The following PIK3R6 variants were observed in gnomAD, a reference collection of about 807,000 sequenced individuals.
PIK3R6 encodes phosphoinositide 3-kinase regulatory subunit 6.
PIK3R6 carries 91 observed loss-of-function variants against 84.9 expected under a neutral mutation model. The ratio of observed to expected loss-of-function variants is 1.07; its 90% CI spans 0.90 to 1.28. The LOEUF is 1.28. Among genes scored for constraint, PIK3R6 ranks in the 50% most tolerant of loss-of-function variants. The pLI, the probability that PIK3R6 is intolerant of heterozygous loss-of-function variation, is 0.00. For synonymous variants in PIK3R6, 416 were observed against 411.4 expected (o/e 1.01, Z -0.13); for missense variants, 996 against 985.1 (o/e 1.01, Z -0.15).
intron 1 of PIK3R6, among the ~76,000 whole-genome samples, chr17:8,851,048 GGAGA>G (rs906956497): frequency 1.5e-4 from 23 of 152,108 alleles, no homozygotes; most frequent in African/African-American, 4.8e-4. Flanking sequence ...TCCAAAGCAT[GGAGA>G]AAGAAGAGAA....
chr17:8,864,100 A>G (rs2089346643), intron 1 of PIK3R6, among the ~76,000 whole-genome samples: 1 of 152,184 alleles, frequency 6.6e-6, no homozygotes. Context: ...CTTCTGCACC[A>G]TCTTTTCAAA....
Position 8,803,600 on chromosome 17 carries a change from G to T in PIK3R6, c.2109-171C>A. 1 of 668,384 alleles carries T rather than the reference G, an allele frequency of 1.5e-6. No individual in the cohort carries two copies. Among genetic ancestry groups the T allele is most frequent in the Non-Finnish European group, 2.4e-6 (1 of 413,648 alleles). The allele number at this position is 668,384 out of a possible 1,614,324, so 41.4% of individuals were successfully genotyped here. A position where few individuals can be genotyped will look rare whatever the true frequency, so the allele number is the denominator to read the frequency against. ...GTCAGGACAAGAAAGAAAAACCTGGGCCTGGGGTTCACCGGGAGAGGAGAC... is the reference window on the plus strand; with the variant it reads ...GTCAGGACAAGAAAGAAAAACCTGGTCCTGGGGTTCACCGGGAGAGGAGAC... On this transcript the variant is annotated intron_variant, in intron 19 of 19. Coordinates refer to ENST00000619866, the MANE Select transcript of PIK3R6 (RefSeq NM_001010855.4). This position sits in a 1 kb window ranked among gnomAD's most constrained non-coding sequence, Gnocchi z 5.0.
At chr17:8,836,117 T>C (rs577399767) in intron 7 of PIK3R6, among the ~76,000 whole-genome samples, 14 of 152,256 alleles carry the variant, frequency 9.2e-5, no homozygotes, top group African/African-American at 3.4e-4. Flanking sequence ...AGGCTTGGCG[T>C]CCCCCATGGA....
chr17:8,829,210 CACAG>C lies in PIK3R6; in HGVS notation c.890-224_890-221del, dbSNP rs557654815. ...ACAGACATACACACACGTGCACACA[CACAG>C]ACACACACACAGAGACACACTGAAA... On this transcript the variant is annotated intron_variant, in intron 10 of 19. Coordinates refer to ENST00000619866, the MANE Select transcript of PIK3R6 (RefSeq NM_001010855.4). Among the ~76,000 whole-genome samples the C allele has an allele frequency of 2.4e-4, 30 of 125,810 alleles. No individual in the cohort carries two copies. In the East Asian group the frequency reaches 5.1e-3, roughly 21 times the overall value. The allele number at this position is 125,810 out of a possible 152,430, so 82.5% of individuals were successfully genotyped here.
chr17:8,834,550 A>ATT (rs35964462), intron 8 of PIK3R6, among the ~76,000 whole-genome samples: 5,066 of 146,526 alleles, frequency 0.035, 399 homozygotes, highest in East Asian at 0.34. Context: ...TGCGTCTGGT[A>ATT]TTTTTTTTTT....
At position 8,829,728 on chromosome 17, in the gene PIK3R6, C is replaced by T; in HGVS notation, c.867G>A (p.Leu289=). 6 of 1,553,438 alleles carry T rather than the reference C, an allele frequency of 3.9e-6. No homozygotes were observed. Among genetic ancestry groups the T allele is most frequent in the Non-Finnish European group, 5.2e-6 (6 of 1,148,170 alleles). ...TACAGAGCTGCTCCTCACCGGTCCA[C>T]AAGTGGAAGGTGATGTAGGGGCTGG... The part of the protein sequence containing the change: ...PLPSPYITFH[L]WTGEEQLWKE... The change falls in exon 10 of 20, where the codon TTG becomes TTA. Residue 289 remains leucine (L), a synonymous_variant. Transcript: ENST00000619866.
Position 8,827,186 on chromosome 17 carries a change from T to C in PIK3R6, c.1501A>G (p.Lys501Glu). The change falls in exon 13 of 20, where the codon AAG becomes GAG. Residue 501 changes from lysine (K) to glutamate (E), a missense_variant. Transcript: ENST00000619866. The part of the protein sequence containing the change: ...NVNTLCPAIH[K>E]LAEMPPSLDT... Reference sequence around the variant, plus strand: ...CCCTCCCCTACCATCTCAGCCAGCTTGTGGATGGCGGGGCACAGCGTGTTG... The same window carrying C: ...CCCTCCCCTACCATCTCAGCCAGCTCGTGGATGGCGGGGCACAGCGTGTTG... The C allele has an allele frequency of 6.2e-7, 1 of 1,612,680 alleles. No individual in the cohort carries two copies. Among genetic ancestry groups the C allele is most frequent in the South Asian group, 1.1e-5 (1 of 90,652 alleles).
chr17:8,829,877 G>T, intron 9 of PIK3R6, 85 bp from the exon 10 acceptor site: 1 of 1,127,198 alleles, frequency 8.9e-7, no homozygotes, highest in Non-Finnish European at 1.3e-6. Context: ...GCTCCTGTGC[G>T]GGGTCTTAGA....
rs2087952705 is a variant in PIK3R6 at position 8,827,279 on chromosome 17, T to C, written c.1408A>G (p.Arg470Gly). 4 of 1,558,582 alleles carry C rather than the reference T, an allele frequency of 2.6e-6. No homozygotes were observed. The South Asian group carries it at 4.7e-5, about 18-fold the overall frequency. The change falls in exon 13 of 20, where the codon AGG (arginine) becomes GGG (glycine). Residue 470 changes from arginine to glycine, a missense_variant. Transcript: ENST00000619866. ...GCCAGCTCTCCCAGCTCCGGCTGCC[T>C]GGATGCTGCAGGCTTCTGGGGGAAA... is the stretch of plus-strand genomic sequence containing the variant. ...VLAPEKPAAS[R>G]QPELGELATF...
intron 1 of PIK3R6, among the ~76,000 whole-genome samples, chr17:8,865,887 G>A: frequency 6.6e-6 from 1 of 151,814 alleles, no homozygotes; most frequent in Non-Finnish European, 1.5e-5. Context: ...TGGGGGTGGG[G>A]GAGCATTGTT....
rs777935719 is a variant in PIK3R6 at position 8,819,208 on chromosome 17, A to C, written c.1880-10T>G. ...TGGCTAGACCCTGAAACTGAATGAGATGGGTGGGGCTGTAAATGGACCTCC... is the reference window on the plus strand; with the variant it reads ...TGGCTAGACCCTGAAACTGAATGAGCTGGGTGGGGCTGTAAATGGACCTCC... On this transcript the variant is annotated splice_polypyrimidine_tract_variant and intron_variant, in intron 17 of 19. Coordinates refer to ENST00000619866, the MANE Select transcript of PIK3R6 (RefSeq NM_001010855.4). 1.3e-6 allele frequency: 2 copies of C among 1,585,086 alleles called. No homozygotes were observed. Among genetic ancestry groups the C allele is most frequent in the Non-Finnish European group, 1.7e-6 (2 of 1,160,054 alleles).
chr17:8,816,458 T>C (rs1277207456), intron 18 of PIK3R6, among the ~76,000 whole-genome samples: 1 of 152,168 alleles, frequency 6.6e-6, no homozygotes, highest in African/African-American at 2.4e-5. Context: ...TTTAATCATA[T>C]CAGAGTCAGA....
At chr17:8,829,500 T>G (rs1330142792) in intron 10 of PIK3R6, among the ~76,000 whole-genome samples, 8 of 56,442 alleles carry the variant, frequency 1.4e-4, no homozygotes, top group African/African-American at 1.7e-4. Flanking sequence ...ACACACACAC[T>G]GACACACACT....
intron 14 of PIK3R6, 130 bp downstream of exon 14, chr17:8,823,257 G>T: frequency 2.5e-6 from 2 of 810,890 alleles, no homozygotes; most frequent in South Asian, 3.4e-5. Context: ...GATGAAGAAG[G>T]TAACGTTAAT....
At chr17:8,829,521 CACA>C (rs1567588549) in intron 10 of PIK3R6, among the ~76,000 whole-genome samples, 182 bp downstream of exon 10, 9 of 141,966 alleles carry the variant, frequency 6.3e-5, no homozygotes, top group African/African-American at 2.0e-4. Context: ...CATGCATACA[CACA>C]CACTGACACA....
At chr17:8,821,022 G>A (rs534443547) in intron 17 of PIK3R6, among the ~76,000 whole-genome samples, 1 of 152,336 alleles carries the variant, frequency 6.6e-6, no homozygotes, top group South Asian at 2.1e-4. Context: ...TATTGATCAA[G>A]TATCTACCAC....
intron 13 of PIK3R6, among the ~76,000 whole-genome samples, chr17:8,824,651 GA>G (rs1349906728): frequency 1.3e-5 from 2 of 152,192 alleles, no homozygotes; most frequent in East Asian, 3.8e-4. Flanking sequence ...AGGAGAAGGG[GA>G]AAACCAAAAC....
chr17:8,806,003 G>C (rs530109452), intron 18 of PIK3R6, among the ~76,000 whole-genome samples: 1 of 152,314 alleles, frequency 6.6e-6, no homozygotes, highest in South Asian at 2.1e-4. Flanking sequence ...TTGTGGTCAG[G>C]GGGGCAGGCA....
chr17:8,841,961 C>A (rs559416823), intron 2 of PIK3R6, among the ~76,000 whole-genome samples: 11 of 152,096 alleles, frequency 7.2e-5, no homozygotes, highest in African/African-American at 2.7e-4. Context: ...GCCATCCTTG[C>A]GGTAATGAGT....
Sources: allele counts gnomAD v4.1 joint callset (sites outside exome capture counted in the v4.1 genomes callset), GRCh38; gene constraint gnomAD v4.1.1; non-coding constraint Gnocchi (gnomAD v3.1); transcripts MANE v1.5; gene names NCBI Gene and HGNC (gene_info 2026-07-23, HGNC 2026-07-21).